The following SERAC1 variants were observed in gnomAD, a reference collection of about 807,000 sequenced individuals.
SERAC1 encodes the protein serine active site containing 1.
Under a neutral mutation model 85.7 loss-of-function variants are expected in SERAC1, and 36 were observed. That is an observed-to-expected ratio of 0.42 (90% CI 0.32 to 0.55). The LOEUF is 0.55. Ranked by LOEUF, SERAC1 falls within the 20% of genes least tolerant of loss-of-function variation. The pLI, the probability that SERAC1 is intolerant of heterozygous loss-of-function variation, is 0.11. For missense variants in SERAC1, 629 were observed against 796.2 expected (o/e 0.79, Z 2.53); for synonymous variants, 242 against 265.3 (o/e 0.91, Z 0.85).
At chr6:158,145,619 C>A (rs546268883) in intron 6 of SERAC1, among the ~76,000 whole-genome samples, 1 of 147,406 alleles carries the variant, frequency 6.8e-6, no homozygotes, top group African/African-American at 2.5e-5. Flanking sequence ...CTCGTGGGTT[C>A]GCAATTCTTG....
chr6:158,156,712 C>A (rs1785341398), intron 2 of SERAC1, among the ~76,000 whole-genome samples: 1 of 140,296 alleles, frequency 7.1e-6, no homozygotes. Flanking sequence ...CTGAGGCTAG[C>A]CCACAAAAAT....
At chr6:158,162,098 C>T (rs1470094479) in intron 1 of SERAC1, 1 of 152,158 alleles carries the variant, frequency 6.6e-6, no homozygotes, top group East Asian at 1.9e-4. Context: ...GGGAACTGTA[C>T]ATAATAAGCT....
chr6:158,116,285 G>T lies in SERAC1; in HGVS notation c.1404-3C>A. ...TGCTTCTGAATGCAATGGACTTTCT[G>T]AACAAAACAAAAACAGCAGGCATGA... On this transcript the variant is annotated splice_polypyrimidine_tract_variant and splice_region_variant and intron_variant, in intron 13 of 16. Coordinates refer to ENST00000647468, the MANE Select transcript of SERAC1 (RefSeq NM_032861.4). 1 of 1,613,088 alleles carries T rather than the reference G, an allele frequency of 6.2e-7. No individual in the cohort carries two copies. Among genetic ancestry groups the T allele is most frequent in the South Asian group, 1.1e-5 (1 of 91,038 alleles).
At chr6:158,130,611 T>A (rs1784651510) in intron 8 of SERAC1, 125 bp from the exon 9 acceptor site, 2 of 586,048 alleles carry the variant, frequency 3.4e-6, no homozygotes, top group African/African-American at 3.9e-5. Context: ...GGCCTCAAAA[T>A]ATGTTGGAAA....
chr6:158,146,646 G>T, intron 6 of SERAC1, 136 bp downstream of exon 6: 1 of 1,036,600 alleles, frequency 9.6e-7, no homozygotes, highest in Non-Finnish European at 1.4e-6. Flanking sequence ...TCCTGACCTT[G>T]TGATCCAACC....
intron 1 of SERAC1, among the ~76,000 whole-genome samples, chr6:158,165,434 C>A (rs944173404): frequency 2.6e-5 from 4 of 152,142 alleles, no homozygotes; most frequent in Admixed American, 6.5e-5. Context: ...GGATTACAAG[C>A]GTGAGCCACC....
Position 158,114,618 on chromosome 6 carries a change from G to T in SERAC1, c.1684+171C>A, listed in dbSNP as rs923784843. 5.3e-6 allele frequency: 7 copies of T among 1,309,258 alleles called. No individual in the cohort carries two copies. The Admixed American group carries it at 1.4e-4, about 27-fold the overall frequency. The allele number at this position is 1,309,258 out of a possible 1,614,324, so 81.1% of individuals were successfully genotyped here. A position where few individuals can be genotyped will look rare whatever the true frequency, so the allele number is the denominator to read the frequency against. The stretch of plus-strand genomic sequence containing the variant: ...AAATAATGGCTTAAGAACAAAATGA[G>T]AAATTATCAAAGAAAAATCAAGCCC... On this transcript the variant is annotated intron_variant, in intron 15 of 16. Transcript: ENST00000647468.
At chr6:158,125,945 TA>T (rs1478161838) in intron 10 of SERAC1, among the ~76,000 whole-genome samples, 4 of 151,820 alleles carry the variant, frequency 2.6e-5, no homozygotes, top group Non-Finnish European at 5.9e-5. Flanking sequence ...AACACTCAAG[TA>T]ATACAAGAAG....
intron 14 of SERAC1, among the ~76,000 whole-genome samples, chr6:158,115,879 G>A (rs1191838851): frequency 5.3e-5 from 8 of 152,190 alleles, no homozygotes. Flanking sequence ...TGTTGACGAG[G>A]TGGGTGTATA....
intron 8 of SERAC1, among the ~76,000 whole-genome samples, chr6:158,135,833 G>A (rs6918164): frequency 0.24 from 37,051 of 151,682 alleles, 4,671 homozygotes; most frequent in East Asian, 0.3. Context: ...TTTTTGAGAC[G>A]GAGTCTCACT....
intron 8 of SERAC1, among the ~76,000 whole-genome samples, chr6:158,141,618 C>T (rs563972635): frequency 2.7e-4 from 41 of 152,280 alleles, no homozygotes; most frequent in Admixed American, 2.0e-3. Flanking sequence ...TAACCTTTTC[C>T]TGTAAGAAGA....
intron 1 of SERAC1, among the ~76,000 whole-genome samples, 174 bp downstream of exon 1, chr6:158,167,964 CAG>C (rs1261047455): frequency 6.6e-6 from 1 of 152,068 alleles, no homozygotes; most frequent in Non-Finnish European, 1.5e-5. Context: ...TCGCGACCAC[CAG>C]AGAGAGAGGC....
In SERAC1 at chr6:158,144,384, G is replaced by A. The variant is rs536508664; in HGVS notation, c.524C>T (p.Pro175Leu). 3.2e-5 allele frequency: 52 copies of A among 1,612,690 alleles called. No individual in the cohort carries two copies. Among genetic ancestry groups the A allele is most frequent in the South Asian group, 7.7e-5 (7 of 90,856 alleles). The change falls in exon 7 of 17, where the codon CCG becomes CTG. Residue 175 changes from proline to leucine, a missense_variant. Transcript: ENST00000647468. ...TCGTGCCAAACCAATAAGAGTTTTC[G>A]GATCACAGGCTTGAGCAATTATCCT... ...QYRIIAQACD[P>L]KTLIGLARSE... is the part of the protein sequence containing the mutation.
In SERAC1 at chr6:158,119,940, C is replaced by T. The variant is rs1784380669; in HGVS notation, c.1166+485G>A. 6.6e-6 allele frequency among the ~76,000 whole-genome samples: 1 copy of T among 152,148 alleles called. No homozygotes were observed. The highest frequency in any genetic ancestry group is 2.1e-4 in the South Asian group (1 of 4,822). On this transcript the variant is annotated intron_variant, in intron 11 of 16. Coordinates refer to ENST00000647468, the MANE Select transcript of SERAC1 (RefSeq NM_032861.4). This position sits in a 1 kb window ranked among gnomAD's most constrained non-coding sequence, Gnocchi z 4.5. Reference sequence around the variant, plus strand: ...AATAACCTTAAGAAGGGGCATGAGTCAAACTTATTACAACTTATTCTTTCT... The same window carrying T: ...AATAACCTTAAGAAGGGGCATGAGTTAAACTTATTACAACTTATTCTTTCT...
At chr6:158,156,029 A>T (rs1055695058) in intron 2 of SERAC1, among the ~76,000 whole-genome samples, 1 of 152,138 alleles carries the variant, frequency 6.6e-6, no homozygotes, top group Non-Finnish European at 1.5e-5. Context: ...CATGCCTGTA[A>T]TCCCAGCTGC....
chr6:158,165,968 T>C lies in SERAC1; in HGVS notation c.-2+2172A>G, dbSNP rs545882385. The C allele has an allele frequency of 2.7e-4, 41 of 152,340 alleles. No individual in the cohort carries two copies. In the South Asian group the frequency reaches 7.0e-3, roughly 26 times the overall value. 9.4% of individuals were successfully genotyped at this position (152,340 alleles called of 1,614,324 possible). On this transcript the variant is annotated intron_variant, in intron 1 of 16. Transcript: ENST00000647468. ...AAAAAGTTCTGGAGATAGATAGTAG[T>C]GCTGGTTGCACAATGTGAATGTCAC...
rs1583559426 is a variant in SERAC1 at position 158,116,235 on chromosome 6, G to A, written c.1451C>T (p.Ala484Val). The change falls in exon 14 of 17, where the codon GCT becomes GTT. Residue 484 changes from alanine (A) to valine (V), a missense_variant. Coordinates refer to ENST00000647468, the MANE Select transcript of SERAC1 (RefSeq NM_032861.4). The stretch of plus-strand genomic sequence containing the variant: ...CACTGGCCTATCCCCAACACCAGCA[G>A]CTCTGAGCTTCCTAAGAAGTTCGTT... ...RSNELLRKLR[A>V]AGVGDRPVVW... 2.5e-6 allele frequency: 4 copies of A among 1,614,114 alleles called. No homozygotes were observed. The highest frequency in any genetic ancestry group is 3.4e-6 in the Non-Finnish European group (4 of 1,180,002).
intron 2 of SERAC1, 111 bp from the exon 3 acceptor site, chr6:158,155,462 TTA>T: frequency 1.6e-6 from 1 of 622,956 alleles, no homozygotes. Context: ...TAAGAAGTTA[TTA>T]TTTTTCTATT....
At chr6:158,141,595 G>C (rs965364400) in intron 8 of SERAC1, among the ~76,000 whole-genome samples, 1 of 152,128 alleles carries the variant, frequency 6.6e-6, no homozygotes, top group African/African-American at 2.4e-5. Context: ...CTAGTGCCTG[G>C]GTTTTGGACT....
Sources: allele counts gnomAD v4.1 joint callset (sites outside exome capture counted in the v4.1 genomes callset), GRCh38; gene constraint gnomAD v4.1.1; non-coding constraint Gnocchi (gnomAD v3.1); transcripts MANE v1.5; gene names NCBI Gene and HGNC (gene_info 2026-07-23, HGNC 2026-07-21).